The following MTHFD1L variants were observed in gnomAD, a reference collection of about 807,000 sequenced individuals.
MTHFD1L encodes the protein methylenetetrahydrofolate dehydrogenase (NADP+ dependent) 1 like, also known as monofunctional C1-tetrahydrofolate synthase, mitochondrial.
MTHFD1L carries 81 observed loss-of-function variants against 119.5 expected under a neutral mutation model. The ratio of observed to expected loss-of-function variants is 0.68; its 90% CI spans 0.57 to 0.82. The LOEUF (loss-of-function observed/expected upper bound fraction) is 0.82. MTHFD1L is among the 40% of genes least tolerant of loss of function. The probability of loss-of-function intolerance (pLI) is 0.00; values close to 1 mark genes in which losing one functional copy is unlikely to be tolerated. For missense variants in MTHFD1L, 1,125 were observed against 1,253.4 expected (o/e 0.90, Z 1.55); for synonymous variants, 430 against 475.2 (o/e 0.90, Z 1.24).
At chr6:150,911,542 A>G (rs1326767258) in intron 8 of MTHFD1L, among the ~76,000 whole-genome samples, 6 of 152,132 alleles carry the variant, frequency 3.9e-5, no homozygotes, top group Admixed American at 2.0e-4. Context: ...TGATGCTGGC[A>G]TTTGCTTGGA....
chr6:151,062,321 C>A (rs551742070), intron 26 of MTHFD1L, among the ~76,000 whole-genome samples: 1 of 152,126 alleles, frequency 6.6e-6, no homozygotes, highest in African/African-American at 2.4e-5. Context: ...ACCTGTAGTC[C>A]CAGCTACTCG....
intron 26 of MTHFD1L, among the ~76,000 whole-genome samples, chr6:151,038,087 T>G (rs1185262354): frequency 6.6e-6 from 1 of 152,184 alleles, no homozygotes; most frequent in Non-Finnish European, 1.5e-5. Context: ...GGACACAATG[T>G]TTTTTCAATC....
chr6:150,983,176 G>A (rs1027356750), intron 20 of MTHFD1L, among the ~76,000 whole-genome samples: 1 of 152,068 alleles, frequency 6.6e-6, no homozygotes, highest in Non-Finnish European at 1.5e-5. Flanking sequence ...TTCCGAATAC[G>A]AATACTTTGC....
At chr6:150,973,304 G>C (rs187582722) in intron 20 of MTHFD1L, among the ~76,000 whole-genome samples, 198 of 152,312 alleles carry the variant, frequency 1.3e-3, no homozygotes, top group African/African-American at 4.4e-3. Flanking sequence ...TTGTGGACTG[G>C]CAGTCAGGAT....
At chr6:150,975,235 G>A (rs1016094061) in intron 20 of MTHFD1L, among the ~76,000 whole-genome samples, 1 of 152,138 alleles carries the variant, frequency 6.6e-6, no homozygotes, top group African/African-American at 2.4e-5. Context: ...ATATGTGATG[G>A]CAATGACTTA....
rs1228239403 is a variant in MTHFD1L at position 150,866,701 on chromosome 6, T to TTCGCCGCGCAGCGCCCACGGAG, written c.227+655_227+676dup. On this transcript the variant is annotated intron_variant, in intron 1 of 27. Coordinates refer to ENST00000367321, the MANE Select transcript of MTHFD1L (RefSeq NM_015440.5). ...AGAGGTCTCAGCGCTGGTTTCCAGC[T>TTCGCCGCGCAGCGCCCACGGAG]TCGCCGCGCAGCGCCCACGGAGTCC... The TTCGCCGCGCAGCGCCCACGGAG allele has an allele frequency of 1.1e-4, 129 of 1,131,340 alleles. 2 individuals carry two copies. In the South Asian group the frequency reaches 4.0e-3, roughly 35 times the overall value. 70.1% of individuals were successfully genotyped at this position (1,131,340 alleles called of 1,614,324 possible).
intron 20 of MTHFD1L, among the ~76,000 whole-genome samples, chr6:150,990,469 A>C (rs547590416): frequency 3.3e-5 from 5 of 151,520 alleles, no homozygotes; most frequent in Admixed American, 1.3e-4. Context: ...CTTTTCTTTT[A>C]TTTTTTTGAG....
chr6:150,911,462 C>T (rs530630393), intron 8 of MTHFD1L, among the ~76,000 whole-genome samples: 151 of 152,232 alleles, frequency 9.9e-4, no homozygotes, highest in African/African-American at 3.3e-3. Flanking sequence ...AAAGAAATAC[C>T]TGAGACTGGG....
intron 26 of MTHFD1L, among the ~76,000 whole-genome samples, chr6:151,053,103 A>G (rs189586979): frequency 3.7e-4 from 56 of 152,372 alleles, no homozygotes; most frequent in Admixed American, 3.6e-3. Flanking sequence ...AAATAAAGGA[A>G]GTAATCTCTT....
intron 7 of MTHFD1L, among the ~76,000 whole-genome samples, chr6:150,896,488 A>C (rs1784240658): frequency 6.6e-6 from 1 of 152,170 alleles, no homozygotes; most frequent in Non-Finnish European, 1.5e-5. Context: ...AGAAAAAAGC[A>C]CTGGACCCTC....
At chr6:150,967,252 G>T (rs1797346019) in intron 19 of MTHFD1L, among the ~76,000 whole-genome samples, 1 of 152,132 alleles carries the variant, frequency 6.6e-6, no homozygotes, top group Non-Finnish European at 1.5e-5. Flanking sequence ...AGTCTTTGTT[G>T]CTGTGCCCTC....
intron 20 of MTHFD1L, among the ~76,000 whole-genome samples, chr6:150,983,442 G>A (rs1381608171): frequency 1.3e-5 from 2 of 152,150 alleles, no homozygotes; most frequent in African/African-American, 4.8e-5. Flanking sequence ...ATGTGCATCA[G>A]TGGTTGTTAG....
At chr6:151,081,412 G>A (rs2128633142) in intron 26 of MTHFD1L, among the ~76,000 whole-genome samples, 1 of 152,014 alleles carries the variant, frequency 6.6e-6, no homozygotes, top group East Asian at 1.9e-4. Flanking sequence ...CAGCACTTTG[G>A]GAGGCTGCGG....
At chr6:150,982,867 G>C (rs932884478) in intron 20 of MTHFD1L, among the ~76,000 whole-genome samples, 5 of 151,920 alleles carry the variant, frequency 3.3e-5, no homozygotes, top group Admixed American at 2.6e-4. Flanking sequence ...ACGTGGCTAA[G>C]TTTTGTATTT....
intron 20 of MTHFD1L, among the ~76,000 whole-genome samples, chr6:150,998,864 C>G (rs1026322359): frequency 5.3e-5 from 8 of 150,290 alleles, no homozygotes; most frequent in African/African-American, 1.5e-4. Flanking sequence ...GTGGCACACA[C>G]CTGTAGTCCC....
At chr6:151,034,014 A>C (rs1042440193) in intron 24 of MTHFD1L, among the ~76,000 whole-genome samples, 1 of 151,970 alleles carries the variant, frequency 6.6e-6, no homozygotes, top group African/African-American at 2.4e-5. Context: ...AGTCTCTACA[A>C]AAAATGCAGA....
intron 27 of MTHFD1L, chr6:151,099,397 G>A (rs930685066): frequency 1.0e-5 from 7 of 675,330 alleles, no homozygotes; most frequent in Middle Eastern, 4.0e-4. Flanking sequence ...TTGACCCTCA[G>A]GTCAAGGGAT....
chr6:151,078,270 T>C (rs1182417595), intron 26 of MTHFD1L, among the ~76,000 whole-genome samples: 1 of 152,022 alleles, frequency 6.6e-6, no homozygotes, highest in Non-Finnish European at 1.5e-5. Context: ...AGACCCCATG[T>C]CTACAAAGAA....
chr6:150,892,893 G>A (rs1216991300), intron 7 of MTHFD1L, among the ~76,000 whole-genome samples: 2 of 152,074 alleles, frequency 1.3e-5, no homozygotes, highest in Admixed American at 6.5e-5. Context: ...ATGGAGACAT[G>A]GTAATATGTG....
Sources: gnomAD v4.1 joint callset for allele counts (sites outside exome capture counted in the v4.1 genomes callset) on GRCh38, gnomAD v4.1.1 for gene constraint, MANE v1.5 for transcripts, NCBI Gene and HGNC (gene_info 2026-07-23, HGNC 2026-07-21) for gene names.